Variants in SLC9A9 observed in about 807,000 individuals in gnomAD.
The protein encoded by SLC9A9 is sodium/hydrogen exchanger 9.
SLC9A9 carries 62 observed loss-of-function variants against 77.8 expected under a neutral mutation model. That is an observed-to-expected ratio of 0.80 (90% confidence interval 0.65 to 0.98). SLC9A9 has a LOEUF of 0.98. SLC9A9 is among the 50% of genes least tolerant of loss of function. The pLI is 0.00. For synonymous variants in SLC9A9, 320 were observed against 283.5 expected (o/e 1.13, Z -1.29); for missense variants, 775 against 774.9 (o/e 1.00, Z 0.00).
intron 6 of SLC9A9, among the ~76,000 whole-genome samples, chr3:143,586,435 T>G (rs1389480044): frequency 6.6e-6 from 1 of 152,082 alleles, no homozygotes; most frequent in African/African-American, 2.4e-5. Context: ...CAACACAACA[T>G]AAAGGGGCAA....
chr3:143,704,637 G>T (rs1193073512), intron 4 of SLC9A9, among the ~76,000 whole-genome samples: 5 of 152,100 alleles, frequency 3.3e-5, no homozygotes, highest in African/African-American at 1.2e-4. Flanking sequence ...ATTTATTGCA[G>T]CGCTACTCAC....
At chr3:143,392,284 G>A (rs951053709) in intron 12 of SLC9A9, among the ~76,000 whole-genome samples, 1 of 152,234 alleles carries the variant, frequency 6.6e-6, no homozygotes, top group East Asian at 1.9e-4. Flanking sequence ...AGAAGACAGT[G>A]GGGCCAATAT....
At chr3:143,589,264 C>T (rs2037609082) in intron 6 of SLC9A9, among the ~76,000 whole-genome samples, 1 of 152,116 alleles carries the variant, frequency 6.6e-6, no homozygotes, top group South Asian at 2.1e-4. Context: ...ACTATTATTT[C>T]CATTATAGAT....
At chr3:143,495,884 G>C (rs541100289) in intron 9 of SLC9A9, among the ~76,000 whole-genome samples, 2 of 152,116 alleles carry the variant, frequency 1.3e-5, no homozygotes, top group East Asian at 3.9e-4. Flanking sequence ...TTTTTTTTAA[G>C]CTTAAACTAA....
At chr3:143,565,565 C>A (rs576950841) in intron 8 of SLC9A9, among the ~76,000 whole-genome samples, 1 of 152,036 alleles carries the variant, frequency 6.6e-6, no homozygotes, top group Non-Finnish European at 1.5e-5. Flanking sequence ...AGTTATTATG[C>A]GAGAAGACAT....
rs139172774 is a variant in SLC9A9, at chr3:143,635,135, T to C, written c.755+17120A>G. Among the ~76,000 whole-genome samples the C allele has an allele frequency of 5.5e-3, 837 of 152,298 alleles. 12 individuals carry two copies. Among genetic ancestry groups the C allele is most frequent in the African/African-American group, 0.018 (757 of 41,550 alleles). On this transcript the variant is annotated intron_variant, in intron 6 of 15. Coordinates refer to ENST00000316549, the MANE Select transcript of SLC9A9 (RefSeq NM_173653.4). ...GTGGTATCAGCTGGGGCAGCTTGAA[T>C]GGGGTTGCAGGATCCACTTCAAAGA...
chr3:143,837,543 A>T (rs1022966124), intron 1 of SLC9A9, among the ~76,000 whole-genome samples: 2 of 152,186 alleles, frequency 1.3e-5, no homozygotes, highest in African/African-American at 4.8e-5. Context: ...ATTATATAAT[A>T]TCATATTTCA....
intron 14 of SLC9A9, among the ~76,000 whole-genome samples, chr3:143,315,903 A>G (rs2031194954): frequency 6.6e-6 from 1 of 152,204 alleles, no homozygotes; most frequent in Non-Finnish European, 1.5e-5. Flanking sequence ...ATCTGGAGAG[A>G]AAGTTCTCCA....
At chr3:143,597,762 A>G (rs1267354333) in intron 6 of SLC9A9, among the ~76,000 whole-genome samples, 1 of 152,200 alleles carries the variant, frequency 6.6e-6, no homozygotes, top group African/African-American at 2.4e-5. Context: ...ACTATTTTAC[A>G]CTTACTGGCA....
At chr3:143,776,703 A>G (rs2007702762) in intron 4 of SLC9A9, among the ~76,000 whole-genome samples, 1 of 152,204 alleles carries the variant, frequency 6.6e-6, no homozygotes. Flanking sequence ...TAATTTAAAA[A>G]TCAAGGAAAC....
intron 5 of SLC9A9, among the ~76,000 whole-genome samples, chr3:143,679,639 T>C (rs759828017): frequency 2.0e-5 from 3 of 152,166 alleles, no homozygotes; most frequent in Non-Finnish European, 4.4e-5. Context: ...CCTGGGTTAG[T>C]GGGATGACGG....
At chr3:143,819,272 A>C (rs1324205704) in intron 2 of SLC9A9, among the ~76,000 whole-genome samples, 1 of 152,220 alleles carries the variant, frequency 6.6e-6, no homozygotes, top group Non-Finnish European at 1.5e-5. Flanking sequence ...AGAAGTTAGA[A>C]ATGTCCCATT....
chr3:143,681,638 G>T (rs1283544497), intron 5 of SLC9A9, among the ~76,000 whole-genome samples: 1 of 152,204 alleles, frequency 6.6e-6, no homozygotes, highest in African/African-American at 2.4e-5. Context: ...TTATAAGGTT[G>T]TTCAAATTAT....
intron 4 of SLC9A9, among the ~76,000 whole-genome samples, chr3:143,726,538 A>G (rs1321244901): frequency 1.3e-5 from 2 of 152,232 alleles, no homozygotes; most frequent in East Asian, 1.9e-4. Context: ...CTCATAATAC[A>G]TCATTAGAAT....
chr3:143,341,816 G>GTTT (rs2032106653), intron 14 of SLC9A9, among the ~76,000 whole-genome samples: 1 of 152,142 alleles, frequency 6.6e-6, no homozygotes, highest in South Asian at 2.1e-4. Flanking sequence ...TCCCTGTAGT[G>GTTT]TTTACTCACA....
chr3:143,747,827 G>T (rs1010853181), intron 4 of SLC9A9, among the ~76,000 whole-genome samples: 3 of 152,182 alleles, frequency 2.0e-5, no homozygotes, highest in African/African-American at 7.2e-5. Flanking sequence ...TGTTACAGCA[G>T]CTATAAGAAA....
chr3:143,388,244 C>A (rs1385690060), intron 12 of SLC9A9, among the ~76,000 whole-genome samples: 1 of 152,078 alleles, frequency 6.6e-6, no homozygotes, highest in Admixed American at 6.6e-5. Context: ...ACTAAATAAT[C>A]CTGGAGTTTG....
At chr3:143,491,203 A>T (rs1236424541) in intron 11 of SLC9A9, among the ~76,000 whole-genome samples, 1 of 152,196 alleles carries the variant, frequency 6.6e-6, no homozygotes, top group East Asian at 1.9e-4. Flanking sequence ...GTGTCCTGAA[A>T]ATTTGGTATG....
chr3:143,536,940 C>G (rs2036599266), intron 9 of SLC9A9, among the ~76,000 whole-genome samples: 1 of 152,126 alleles, frequency 6.6e-6, no homozygotes, highest in African/African-American at 2.4e-5. Context: ...ATCCTGCTGC[C>G]CACGCTGCAC....
Sources: gnomAD v4.1 joint callset for allele counts (sites outside exome capture counted in the v4.1 genomes callset) on GRCh38, gnomAD v4.1.1 for gene constraint, MANE v1.5 for transcripts, NCBI Gene and HGNC (gene_info 2026-07-23, HGNC 2026-07-21) for gene names.